RAI2: variants seen among roughly 807,000 people sequenced by gnomAD.
The protein encoded by RAI2 is retinoic acid induced 2, also known as retinoic acid-induced protein 2.
RAI2 carries 5 observed loss-of-function variants against 15.3 expected under a neutral mutation model. The ratio of observed to expected loss-of-function variants is 0.33; its 90% CI spans 0.17 to 0.69. The LOEUF (loss-of-function observed/expected upper bound fraction) is 0.69. Ranked by LOEUF, RAI2 falls within the 30% of genes least tolerant of loss-of-function variation. The pLI, the probability that RAI2 is intolerant of heterozygous loss-of-function variation, is 0.69. For missense variants in RAI2, 424 were observed against 424.7 expected (o/e 1.00, Z 0.01); for synonymous variants, 191 against 184.0 (o/e 1.04, Z -0.31).
chrX:17,814,043 G>A (rs1173913477), intron 1 of RAI2, among the ~76,000 whole-genome samples: 2 of 111,603 alleles, frequency 1.8e-5, no homozygotes, highest in African/African-American at 6.5e-5. Flanking sequence ...AACAGACCCT[G>A]AGGCAAGGAT....
chrX:17,801,988 T>C lies in RAI2; in HGVS notation c.23A>G (p.Asn8Ser), dbSNP rs776167787. 1.1e-5 allele frequency: 13 copies of C among 1,197,556 alleles called. 1 individual carries two copies. Among genetic ancestry groups the C allele is most frequent in the Admixed American group, 6.6e-5 (3 of 45,231 alleles). The change falls in exon 2 of 2, where the codon AAC (asparagine) becomes AGC (serine). Residue 8 changes from asparagine to serine, a missense_variant. Transcript: ENST00000451717. ...GGAGTCAGTCATGTCCATGGAGAGG[T>C]TCTGGGACTGCAGGTCGTCCATCAC... MDDLQSQ[N>S]LSMDMTDSPP...
chrX:17,841,774 C>T (rs1055228644), intron 1 of RAI2, among the ~76,000 whole-genome samples: 1 of 112,118 alleles, frequency 8.9e-6, no homozygotes, highest in Non-Finnish European at 1.9e-5. Context: ...ACACCTGCTG[C>T]AGTGGAAGCA....
intron 1 of RAI2, among the ~76,000 whole-genome samples, chrX:17,857,348 C>T (rs2067623245): frequency 1.8e-5 from 2 of 111,931 alleles, no homozygotes; most frequent in African/African-American, 6.5e-5. Context: ...AGTTTGAAGA[C>T]TACCACCTGG....
intron 1 of RAI2, among the ~76,000 whole-genome samples, chrX:17,845,893 T>C (rs1418072400): frequency 8.9e-6 from 1 of 112,324 alleles, no homozygotes; most frequent in East Asian, 2.8e-4. Flanking sequence ...AGTTAAGGAC[T>C]TTCAAGTCCC....
intron 1 of RAI2, among the ~76,000 whole-genome samples, chrX:17,824,636 A>C (rs188981696): frequency 6.3e-5 from 7 of 111,870 alleles, no homozygotes; most frequent in Non-Finnish European, 1.3e-4. Context: ...TAACTGCAAA[A>C]TGTGCCCCTG....
intron 1 of RAI2, among the ~76,000 whole-genome samples, chrX:17,859,001 T>A (rs1192190452): frequency 9.0e-6 from 1 of 111,157 alleles, no homozygotes; most frequent in African/African-American, 3.3e-5. Context: ...GAGAAGCGAG[T>A]GCCCATTTGA....
intron 1 of RAI2, among the ~76,000 whole-genome samples, chrX:17,857,389 G>A (rs890275378): frequency 5.4e-5 from 6 of 111,706 alleles, no homozygotes; most frequent in Non-Finnish European, 7.5e-5. Flanking sequence ...TTGCTTTAAC[G>A]ATACATTTGC....
At chrX:17,850,789 T>C (rs2067522789) in intron 1 of RAI2, among the ~76,000 whole-genome samples, 2 of 112,673 alleles carry the variant, frequency 1.8e-5, no homozygotes, top group African/African-American at 6.5e-5. Context: ...TAAATCAAGA[T>C]GTCAAAATAC....
chrX:17,859,029 T>C (rs1231428822), intron 1 of RAI2, among the ~76,000 whole-genome samples: 1 of 111,327 alleles, frequency 9.0e-6, no homozygotes, highest in East Asian at 2.8e-4. Context: ...TGTGTGTATG[T>C]GGGGGTGTGG....
intron 1 of RAI2, chrX:17,860,822 CCCGGCCCCG>C (rs2067679466): frequency 1.9e-5 from 2 of 105,750 alleles, no homozygotes; most frequent in African/African-American, 3.3e-5. Flanking sequence ...CCCGGCAGTC[CCCGGCCCCG>C]CCGGCCAGTG....
At chrX:17,853,031 G>A (rs942470122) in intron 1 of RAI2, among the ~76,000 whole-genome samples, 4 of 109,421 alleles carry the variant, frequency 3.7e-5, no homozygotes, top group African/African-American at 6.7e-5. Flanking sequence ...AGATGCTACC[G>A]GAGAAATGAC....
intron 1 of RAI2, among the ~76,000 whole-genome samples, chrX:17,844,820 A>G (rs2067438223): frequency 8.9e-6 from 1 of 112,458 alleles, no homozygotes; most frequent in Non-Finnish European, 1.9e-5. Flanking sequence ...CCTTCAGGGC[A>G]CTGGTGACAT....
intron 1 of RAI2, among the ~76,000 whole-genome samples, chrX:17,830,352 G>A (rs958257032): frequency 8.0e-5 from 9 of 112,371 alleles, no homozygotes; most frequent in Non-Finnish European, 3.8e-5. Context: ...ATTCACATCT[G>A]AGAACGTGTT....
intron 1 of RAI2, among the ~76,000 whole-genome samples, chrX:17,810,255 C>T (rs756289200): frequency 2.8e-4 from 31 of 112,014 alleles, no homozygotes; most frequent in African/African-American, 8.8e-4. Flanking sequence ...GTTTAACACA[C>T]GAGCTATAGA....
intron 1 of RAI2, among the ~76,000 whole-genome samples, chrX:17,855,039 C>T (rs1040163581): frequency 8.9e-6 from 1 of 111,875 alleles, no homozygotes; most frequent in Admixed American, 9.4e-5. Flanking sequence ...ACCATAGTGC[C>T]AGCCAAAATC....
intron 1 of RAI2, among the ~76,000 whole-genome samples, chrX:17,845,266 T>C (rs2067441931): frequency 8.9e-6 from 1 of 112,783 alleles, no homozygotes. Flanking sequence ...CACATGGCCA[T>C]GGCCGAGGAA....
chrX:17,851,466 ACT>A (rs1419709643), intron 1 of RAI2, among the ~76,000 whole-genome samples: 1 of 111,703 alleles, frequency 9.0e-6, no homozygotes, highest in Non-Finnish European at 1.9e-5. Flanking sequence ...AGGAAATGTA[ACT>A]CTGTATGGTT....
At chrX:17,836,948 G>A (rs2067342071) in intron 1 of RAI2, among the ~76,000 whole-genome samples, 1 of 112,211 alleles carries the variant, frequency 8.9e-6, no homozygotes, top group Non-Finnish European at 1.9e-5. Context: ...ACTGCCATGA[G>A]CAACTGGGGC....
chrX:17,834,763 A>T (rs2067316444), intron 1 of RAI2, among the ~76,000 whole-genome samples: 1 of 111,121 alleles, frequency 9.0e-6, no homozygotes, highest in Non-Finnish European at 1.9e-5. Context: ...GCAGGGTAAG[A>T]GAAGAGAGGT....
Sources: gnomAD v4.1 joint callset for allele counts (sites outside exome capture counted in the v4.1 genomes callset) on GRCh38, gnomAD v4.1.1 for gene constraint, MANE v1.5 for transcripts, NCBI Gene and HGNC (gene_info 2026-07-23, HGNC 2026-07-21) for gene names.